PDE5A: variants seen among roughly 807,000 people sequenced by gnomAD.
PDE5A encodes the protein cGMP-specific 3',5'-cyclic phosphodiesterase.
PDE5A carries 67 observed loss-of-function variants against 110.2 expected under a neutral mutation model. The observed-to-expected ratio is 0.61, with a 90% CI of 0.50 to 0.75. The LOEUF is 0.75. PDE5A is among the 30% of genes least tolerant of loss of function. PDE5A has a pLI of 0.00. For missense variants in PDE5A, 862 were observed against 1,045.1 expected (o/e 0.82, Z 2.42); for synonymous variants, 328 against 351.2 (o/e 0.93, Z 0.74).
At chr4:119,520,456 C>T (rs1369257879) in intron 13 of PDE5A, among the ~76,000 whole-genome samples, 4 of 152,018 alleles carry the variant, frequency 2.6e-5, no homozygotes, top group Non-Finnish European at 4.4e-5. Context: ...GAAACCAAAA[C>T]CCTTTCTATG....
In PDE5A at chr4:119,525,744, A is replaced by G; in HGVS notation, c.1633-49T>C. On this transcript the variant is annotated intron_variant, in intron 11 of 20. Coordinates refer to ENST00000354960, the MANE Select transcript of PDE5A (RefSeq NM_001083.4). The surrounding 1 kb of genome is among the most constrained non-coding windows in gnomAD (Gnocchi z 4.3). ...AAAAAATGCTGTTAATTAAAGCAGCAGTGATTTGCAAGGTTTTCTTGTTTT... is the reference window on the plus strand; with the variant it reads ...AAAAAATGCTGTTAATTAAAGCAGCGGTGATTTGCAAGGTTTTCTTGTTTT... 2 of 1,554,518 alleles carry G rather than the reference A, an allele frequency of 1.3e-6. No individual in the cohort carries two copies. Among genetic ancestry groups the G allele is most frequent in the African/African-American group, 1.4e-5 (1 of 72,594 alleles).
chr4:119,610,025 A>C (rs1017552656), intron 1 of PDE5A, among the ~76,000 whole-genome samples: 4 of 152,246 alleles, frequency 2.6e-5, no homozygotes, highest in African/African-American at 9.6e-5. Flanking sequence ...GCACAAAAGC[A>C]ATGTGGTAGG....
rs532920134 is a variant in PDE5A at position 119,627,530 on chromosome 4, G to A, written c.152+990C>T. The A allele has an allele frequency of 2.6e-5, 4 of 153,518 alleles. No homozygotes were observed. The highest frequency in any genetic ancestry group is 9.7e-5 in the African/African-American group (4 of 41,450). The allele number at this position is 153,518 out of a possible 1,614,324, so 9.5% of individuals were successfully genotyped here. On this transcript the variant is annotated intron_variant, in intron 1 of 20. Transcript: ENST00000354960. The surrounding 1 kb of genome is among the most constrained non-coding windows in gnomAD (Gnocchi z 4.6). ...CCCAGAGCAGGCGGCAGCGGGGCAC[G>A]GACTCTTTCTGCAAAGGGGCGCGTC...
At chr4:119,550,799 C>G (rs1221890181) in intron 9 of PDE5A, among the ~76,000 whole-genome samples, 1 of 152,156 alleles carries the variant, frequency 6.6e-6, no homozygotes, top group Non-Finnish European at 1.5e-5. Flanking sequence ...TATAAAAAAG[C>G]ATTTTAAACA....
chr4:119,565,629 G>T (rs566218000), intron 4 of PDE5A, among the ~76,000 whole-genome samples: 266 of 152,030 alleles, frequency 1.7e-3, no homozygotes, highest in Non-Finnish European at 3.0e-3. Flanking sequence ...AAAAAGGAGA[G>T]GAACTAAGAT....
chr4:119,597,840 A>G (rs922261525), intron 2 of PDE5A, among the ~76,000 whole-genome samples: 3 of 152,158 alleles, frequency 2.0e-5, no homozygotes, highest in African/African-American at 7.2e-5. Context: ...GGCCCAACTT[A>G]GCTTAAAGAT....
intron 3 of PDE5A, among the ~76,000 whole-genome samples, chr4:119,588,158 C>G (rs1728830730): frequency 6.7e-6 from 1 of 150,048 alleles, no homozygotes; most frequent in South Asian, 2.1e-4. Flanking sequence ...AGAGCTACCT[C>G]TCCAATTTTT....
At chr4:119,523,608 C>T (rs1726206062) in intron 12 of PDE5A, among the ~76,000 whole-genome samples, 1 of 151,968 alleles carries the variant, frequency 6.6e-6, no homozygotes, top group Non-Finnish European at 1.5e-5. Context: ...ATGAATCAGA[C>T]ATTAAGAGGA....
chr4:119,519,049 G>A lies in PDE5A; in HGVS notation c.1996C>T (p.Gln666Ter). The part of the protein sequence containing the change: ...DHRGVNNSYI[Q>*]RSEHPLAQLY... Reference sequence around the variant, plus strand: ...GCTTTACTGGGAAAGTCTTACCGCTGTATGTAAGAGTTATTCACACCACGG... The same window carrying A: ...GCTTTACTGGGAAAGTCTTACCGCTATATGTAAGAGTTATTCACACCACGG... Residue 666 changes from glutamine (Q) to a stop codon, truncating the protein, a stop_gained, in exon 14 of 21, where the codon CAG (glutamine) becomes TAG (stop). Transcript: ENST00000354960. LOFTEE classifies it high-confidence loss of function. The A allele has an allele frequency of 6.2e-7, 1 of 1,603,576 alleles. No individual in the cohort carries two copies. The highest frequency in any genetic ancestry group is 8.5e-7 in the Non-Finnish European group (1 of 1,170,664).
At chr4:119,607,347 C>CT in intron 1 of PDE5A, 50 bp from the exon 2 acceptor site, 1 of 1,202,136 alleles carries the variant, frequency 8.3e-7, no homozygotes, top group Non-Finnish European at 1.2e-6. Context: ...AGGAAGGGTG[C>CT]TATGCCTGAG....
chr4:119,558,052 T>C (rs1727605654), intron 7 of PDE5A, among the ~76,000 whole-genome samples: 1 of 152,188 alleles, frequency 6.6e-6, no homozygotes, highest in Non-Finnish European at 1.5e-5. Context: ...AAATATCTAC[T>C]TCTTAAAGAG....
intron 1 of PDE5A, among the ~76,000 whole-genome samples, chr4:119,615,784 C>A (rs1396391095): frequency 6.6e-6 from 1 of 152,116 alleles, no homozygotes; most frequent in Middle Eastern, 3.2e-3. Flanking sequence ...TTGCTAACTG[C>A]CCTGCAAACC....
Position 119,507,710 on chromosome 4 carries a change from T to TA in PDE5A, c.2089-7dup. ...CCACTGAGAATCTGATTGCCCTTTA[T>TA]AAAAAAAGAAAACCAGTATTAACAT... On this transcript the variant is annotated splice_region_variant and splice_polypyrimidine_tract_variant and intron_variant, in intron 15 of 20. Transcript: ENST00000354960. 1.3e-6 allele frequency: 2 copies of TA among 1,562,552 alleles called. No homozygotes were observed. Among genetic ancestry groups the TA allele is most frequent in the Admixed American group, 2.0e-5 (1 of 49,040 alleles).
intron 3 of PDE5A, among the ~76,000 whole-genome samples, chr4:119,594,555 G>A (rs1488718946): frequency 1.3e-5 from 2 of 152,196 alleles, no homozygotes; most frequent in African/African-American, 4.8e-5. Context: ...TAATGCATGG[G>A]ACACATTTCT....
intron 3 of PDE5A, among the ~76,000 whole-genome samples, chr4:119,574,346 G>C (rs1728250611): frequency 7.9e-6 from 1 of 126,290 alleles, no homozygotes; most frequent in Non-Finnish European, 1.7e-5. Flanking sequence ...CCACGCCCCG[G>C]CTAATTTTTG....
intron 11 of PDE5A, among the ~76,000 whole-genome samples, chr4:119,529,235 T>C (rs35289699): frequency 0.15 from 23,258 of 152,126 alleles, 1,905 homozygotes; most frequent in Middle Eastern, 0.2. Flanking sequence ...CTTTGTTTCT[T>C]CTCTGCCTAG....
chr4:119,519,238 G>T, intron 13 of PDE5A, 99 bp from the exon 14 acceptor site: 2 of 809,156 alleles, frequency 2.5e-6, no homozygotes, highest in Non-Finnish European at 4.3e-6. Flanking sequence ...TCCCCTCAGT[G>T]CTTTACATAC....
At chr4:119,576,757 C>T (rs916916549) in intron 3 of PDE5A, among the ~76,000 whole-genome samples, 4 of 152,066 alleles carry the variant, frequency 2.6e-5, no homozygotes, top group Non-Finnish European at 5.9e-5. Flanking sequence ...AATTGACACC[C>T]TAACACCACA....
Position 119,562,888 on chromosome 4 carries a change from A to G in PDE5A, c.1076T>C (p.Ile359Thr). The G allele has an allele frequency of 1.2e-6, 2 of 1,600,110 alleles. No individual in the cohort carries two copies. The highest frequency in any genetic ancestry group is 1.7e-6 in the Non-Finnish European group (2 of 1,174,424). The change falls in exon 6 of 21, where the codon ATC (isoleucine) becomes ACC (threonine). Residue 359 changes from isoleucine (I) to threonine (T), a missense_variant. By Grantham distance (89) the Ile-to-Thr change is moderately conservative (BLOSUM62 -1). Transcript: ENST00000354960. The part of the protein sequence containing the change: ...VILKKIAATI[I>T]SFMQVQKCTI... ...GCATTTCTGCACTTGCATGAAAGAG[A>G]TAATAGTGGCAGCTATTTTCTTCAA...
Sources: allele counts gnomAD v4.1 joint callset (sites outside exome capture counted in the v4.1 genomes callset), GRCh38; gene constraint gnomAD v4.1.1; non-coding constraint Gnocchi (gnomAD v3.1); transcripts MANE v1.5; gene names NCBI Gene and HGNC (gene_info 2026-07-23, HGNC 2026-07-21).